Variants in MAML2 observed in about 807,000 individuals in gnomAD.
MAML2 encodes the protein mastermind-like protein 2.
A neutral mutation model predicts 96.1 loss-of-function variants in MAML2; 22 were observed. The ratio of observed to expected loss-of-function variants is 0.23; its 90% CI spans 0.16 to 0.33. The LOEUF (loss-of-function observed/expected upper bound fraction) is 0.33. Ranked by LOEUF, MAML2 falls within the 10% of genes least tolerant of loss-of-function variation. MAML2 has a pLI of 1.00. For synonymous variants in MAML2, 561 were observed against 521.3 expected (o/e 1.08, Z -1.04); for missense variants, 1,367 against 1,392.4 (o/e 0.98, Z 0.29).
rs1043014041 is a variant in MAML2 at position 96,341,676 on chromosome 11, A to C, written c.220T>G (p.Leu74Val). The C allele has an allele frequency of 6.3e-7, 1 of 1,592,644 alleles. No homozygotes were observed. Among genetic ancestry groups the C allele is most frequent in the African/African-American group, 1.3e-5 (1 of 74,406 alleles). The change falls in exon 1 of 5, where the codon TTG becomes GTG. Residue 74 changes from leucine (L) to valine (V), a missense_variant. Leu to Val is a conservative substitution (Grantham distance 32). Transcript: ENST00000524717. ...ESSDREREST[L>V]QLLSLVQHGQ... Reference sequence around the variant, plus strand: ...TGCTGTACAAGGCTCAGGAGCTGCAAGGTGCTTTCTCTTTCCCGGTCTGAG... The same window carrying C: ...TGCTGTACAAGGCTCAGGAGCTGCACGGTGCTTTCTCTTTCCCGGTCTGAG...
At chr11:96,072,142 C>T (rs1464603908) in intron 2 of MAML2, among the ~76,000 whole-genome samples, 2 of 152,040 alleles carry the variant, frequency 1.3e-5, no homozygotes, top group African/African-American at 4.8e-5. Flanking sequence ...ATCTCTAATT[C>T]CTCTCTGGCT....
chr11:96,070,114 AC>A (rs1286723831), intron 2 of MAML2, among the ~76,000 whole-genome samples: 1 of 151,562 alleles, frequency 6.6e-6, no homozygotes, highest in Non-Finnish European at 1.5e-5. Flanking sequence ...ACACAGTGAA[AC>A]CCCGTCTCTA....
rs766285782 is a variant in MAML2, at chr11:96,215,446, T to A, written c.514-121929A>T. ...AATTCTCTGCTTTGTTTCATGTTTT[T>A]AAAAGTCTTTACTAACACTTCTAGG... On this transcript the variant is annotated intron_variant, in intron 1 of 4. Coordinates refer to ENST00000524717, the MANE Select transcript of MAML2 (RefSeq NM_032427.4). 8.5e-4 allele frequency among the ~76,000 whole-genome samples: 130 copies of A among 152,360 alleles called. 1 individual carries two copies. The highest frequency in any genetic ancestry group is 1.2e-3 in the Non-Finnish European group (80 of 68,032).
intron 1 of MAML2, among the ~76,000 whole-genome samples, chr11:96,265,318 C>G (rs1354905758): frequency 6.6e-6 from 1 of 152,198 alleles, no homozygotes; most frequent in Non-Finnish European, 1.5e-5. Flanking sequence ...CCATGAATTA[C>G]TCTTGCAGGT....
chr11:96,316,089 G>T (rs1243239441), intron 1 of MAML2, among the ~76,000 whole-genome samples: 1 of 152,216 alleles, frequency 6.6e-6, no homozygotes, highest in Non-Finnish European at 1.5e-5. Context: ...TGGGTCACTT[G>T]TTGCATACTC....
chr11:96,118,304 T>TTTA (rs1364555770), intron 1 of MAML2, among the ~76,000 whole-genome samples: 8 of 144,070 alleles, frequency 5.6e-5, no homozygotes, highest in Non-Finnish European at 3.1e-5. Context: ...TTGTAATCAT[T>TTTA]GTAATCCCCA....
At chr11:96,317,564 G>GGCT (rs1298935831) in intron 1 of MAML2, among the ~76,000 whole-genome samples, 1 of 152,130 alleles carries the variant, frequency 6.6e-6, no homozygotes, top group Non-Finnish European at 1.5e-5. Flanking sequence ...TTCTTTCTGA[G>GGCT]GCTGGAAGTT....
chr11:96,283,481 T>C (rs1484385036), intron 1 of MAML2, among the ~76,000 whole-genome samples: 2 of 152,234 alleles, frequency 1.3e-5, no homozygotes, highest in African/African-American at 4.8e-5. Flanking sequence ...TGTGCTACAA[T>C]CTTTTTCTCC....
At position 96,342,112 on chromosome 11, in the gene MAML2, G is replaced by A. The variant is rs1864005808; in HGVS notation, c.-217C>T. On this transcript the variant is annotated 5_prime_UTR_variant, in exon 1 of 5. Coordinates refer to ENST00000524717, the MANE Select transcript of MAML2 (RefSeq NM_032427.4). ...AGAAAGAATAGAAACCAACTGGGGGGAGGATAAGTTGGAAACAAACCCTGA... is the reference window on the plus strand; with the variant it reads ...AGAAAGAATAGAAACCAACTGGGGGAAGGATAAGTTGGAAACAAACCCTGA... 1 of 550,718 alleles carries A rather than the reference G, an allele frequency of 1.8e-6. No individual in the cohort carries two copies. Among genetic ancestry groups the A allele is most frequent in the Non-Finnish European group, 3.2e-6 (1 of 312,034 alleles). The allele number at this position is 550,718 out of a possible 1,614,324, so 34.1% of individuals were successfully genotyped here.
chr11:96,216,388 C>T (rs988614826), intron 1 of MAML2, among the ~76,000 whole-genome samples: 1 of 152,150 alleles, frequency 6.6e-6, no homozygotes, highest in Non-Finnish European at 1.5e-5. Flanking sequence ...CTCTTAAGTC[C>T]CACCTCAAAT....
chr11:96,274,447 A>AG (rs1443236945), intron 1 of MAML2, among the ~76,000 whole-genome samples: 2 of 151,892 alleles, frequency 1.3e-5, no homozygotes, highest in Admixed American at 6.6e-5. Context: ...CTTTCTCTCT[A>AG]CTATAGCTTT....
intron 1 of MAML2, among the ~76,000 whole-genome samples, chr11:96,262,608 C>T (rs527511763): frequency 6.6e-6 from 1 of 152,250 alleles, no homozygotes; most frequent in East Asian, 1.9e-4. Context: ...GCTGGGACTA[C>T]AGGCACCCGC....
At chr11:96,173,957 T>C (rs965567304) in intron 1 of MAML2, among the ~76,000 whole-genome samples, 2 of 152,220 alleles carry the variant, frequency 1.3e-5, no homozygotes, top group African/African-American at 4.8e-5. Flanking sequence ...GAAACACTTG[T>C]GGCATATCCC....
intron 2 of MAML2, among the ~76,000 whole-genome samples, chr11:96,036,949 C>T (rs1412605891): frequency 6.6e-6 from 1 of 152,190 alleles, no homozygotes; most frequent in Non-Finnish European, 1.5e-5. Flanking sequence ...GGAGCACCAT[C>T]TTAGATAAGT....
chr11:96,236,423 C>T (rs901731679), intron 1 of MAML2, among the ~76,000 whole-genome samples: 1 of 4,152 alleles, frequency 2.4e-4, no homozygotes, highest in African/African-American at 1.3e-3. Context: ...TTTTAAAACC[C>T]GAAAGTCTGT....
At chr11:96,090,626 A>C (rs767578704) in intron 2 of MAML2, among the ~76,000 whole-genome samples, 3 of 152,230 alleles carry the variant, frequency 2.0e-5, no homozygotes, top group Non-Finnish European at 2.9e-5. Flanking sequence ...GTAAAAAAAC[A>C]TATGTGTGTA....
intron 1 of MAML2, among the ~76,000 whole-genome samples, chr11:96,283,472 G>A (rs577228288): frequency 4.3e-4 from 65 of 152,296 alleles, no homozygotes; most frequent in Admixed American, 9.2e-4. Context: ...CAGGCTTTGT[G>A]TGCTACAATC....
rs1047959900 is a variant in MAML2, at chr11:96,240,570, A to C, written c.513+100813T>G. On this transcript the variant is annotated intron_variant, in intron 1 of 4. Transcript: ENST00000524717. ...GAGACTCCGTCTCAAAAAAAAAAAAAAAAAAAAAAAAAAGAAAGCTGATGA... is the reference window on the plus strand; with the variant it reads ...GAGACTCCGTCTCAAAAAAAAAAAACAAAAAAAAAAAAAGAAAGCTGATGA... Among the ~76,000 whole-genome samples, 94 of 146,252 alleles carry C rather than the reference A, an allele frequency of 6.4e-4. 3 individuals are homozygous for C. The highest frequency in any genetic ancestry group is 1.3e-3 in the Non-Finnish European group (86 of 66,432).
chr11:96,029,646 T>C (rs1277829348), intron 2 of MAML2, among the ~76,000 whole-genome samples: 1 of 152,206 alleles, frequency 6.6e-6, no homozygotes, highest in African/African-American at 2.4e-5. Flanking sequence ...CACCTGTATC[T>C]GTCCTCCCAT....
Sources: gnomAD v4.1 joint callset for allele counts (sites outside exome capture counted in the v4.1 genomes callset) on GRCh38, gnomAD v4.1.1 for gene constraint, MANE v1.5 for transcripts, NCBI Gene and HGNC (gene_info 2026-07-23, HGNC 2026-07-21) for gene names.